Variants in LNPEP observed in about 807,000 individuals in gnomAD.
LNPEP encodes the protein leucyl and cystinyl aminopeptidase.
LNPEP carries 64 observed loss-of-function variants against 120.6 expected under a neutral mutation model. That is an observed-to-expected ratio of 0.53 (90% CI 0.43 to 0.65). LNPEP has a LOEUF of 0.65. Ranked by LOEUF, LNPEP falls within the 30% of genes least tolerant of loss-of-function variation. The pLI is 0.00. For synonymous variants in LNPEP, 435 were observed against 425.4 expected (o/e 1.02, Z -0.28); for missense variants, 1,057 against 1,200.0 (o/e 0.88, Z 1.76).
intron 13 of LNPEP, among the ~76,000 whole-genome samples, chr5:97,021,923 G>GTTTTTTTTTTTTTTTTTTTTTT (rs1165456605): frequency 5.2e-5 from 3 of 57,192 alleles, no homozygotes; most frequent in Admixed American, 2.2e-4. Flanking sequence ...TTTGTCTTTT[G>GTTTTTTTTTTTTTTTTTTTTTT]TTTTTTTTTT....
chr5:96,936,341 CG>C (rs1296765257), intron 1 of LNPEP, 167 bp downstream of exon 1: 4 of 88,298 alleles, frequency 4.5e-5, no homozygotes, highest in East Asian at 2.3e-4. Context: ...CAGGGAGGTT[CG>C]GGGGGCGGGC....
In LNPEP at chr5:97,003,525, T is replaced by A. The variant is rs1790705354; in HGVS notation, c.1764T>A (p.Asp588Glu). Reference sequence around the variant, plus strand: ...GCTATGCATCTATTCAAAGTGATGATCTGTGGGATAGTTTTAATGAGGTAA... The same window carrying A: ...GCTATGCATCTATTCAAAGTGATGAACTGTGGGATAGTTTTAATGAGGTAA... ...NHSYASIQSD[D>E]LWDSFNEVTN... Residue 588 changes from aspartate to glutamate, a missense_variant, in exon 9 of 18, where the codon GAT becomes GAA. Physicochemically the swap from Asp to Glu is conservative, Grantham distance 45. Transcript: ENST00000231368. 1.2e-6 allele frequency: 2 copies of A among 1,603,178 alleles called. No homozygotes were observed. The highest frequency in any genetic ancestry group is 2.2e-5 in the East Asian group (1 of 44,690).
intron 8 of LNPEP, among the ~76,000 whole-genome samples, chr5:97,000,663 C>T (rs1465717689): frequency 6.6e-6 from 1 of 152,180 alleles, no homozygotes; most frequent in African/African-American, 2.4e-5. Context: ...TTAAGTGCAT[C>T]CTGCATGATT....
Position 97,006,419 on chromosome 5 carries a change from C to A in LNPEP, c.1947-8C>A. 1 of 1,517,142 alleles carries A rather than the reference C, an allele frequency of 6.6e-7. No homozygotes were observed. The highest frequency in any genetic ancestry group is 9.0e-7 in the Non-Finnish European group (1 of 1,108,548). The allele number at this position is 1,517,142 out of a possible 1,614,324, so 94.0% of individuals were successfully genotyped here. On this transcript the variant is annotated splice_region_variant and splice_polypyrimidine_tract_variant and intron_variant, in intron 10 of 17. Coordinates refer to ENST00000231368, the MANE Select transcript of LNPEP (RefSeq NM_005575.3). ...TGTAACTAATTTTCCAATGTTTTCT[C>A]TTTACAGCTACCTGTGGCATATTCC...
chr5:96,989,292 T>TA (rs1391335976), intron 4 of LNPEP, among the ~76,000 whole-genome samples: 7 of 99,610 alleles, frequency 7.0e-5, no homozygotes, highest in African/African-American at 2.3e-4. Context: ...AATATATAAT[T>TA]TATATATAAT....
chr5:97,009,930 A>G (rs1392606859), intron 11 of LNPEP, among the ~76,000 whole-genome samples: 2 of 152,100 alleles, frequency 1.3e-5, no homozygotes, highest in African/African-American at 4.8e-5. Context: ...TTGATGCTTG[A>G]TGGTTGGTTA....
At chr5:97,002,094 G>A (rs1028123761) in intron 8 of LNPEP, among the ~76,000 whole-genome samples, 10 of 152,160 alleles carry the variant, frequency 6.6e-5, no homozygotes, top group East Asian at 5.8e-4. Context: ...AGTGGAGGTC[G>A]CACCACTGCA....
chr5:97,014,951 A>G lies in LNPEP; in HGVS notation c.2232A>G (p.Val744=), dbSNP rs774320745. ...NIFELAGLGK[V]PLKRAFDLIN... ...TTTTATCCTTTAGCCTAGGCAAGGT[A>G]CCTCTCAAGAGGGCCTTTGATTTGA... Residue 744 remains valine (V), a synonymous_variant, in exon 13 of 18, where the codon GTA becomes GTG. Coordinates refer to ENST00000231368, the MANE Select transcript of LNPEP (RefSeq NM_005575.3). The G allele has an allele frequency of 1.9e-6, 3 of 1,563,932 alleles. No homozygotes were observed. The highest frequency in any genetic ancestry group is 1.7e-6 in the Non-Finnish European group (2 of 1,157,146).
At chr5:96,988,433 G>T (rs1325117104) in intron 4 of LNPEP, among the ~76,000 whole-genome samples, 1 of 148,168 alleles carries the variant, frequency 6.7e-6, no homozygotes, top group Non-Finnish European at 1.5e-5. Flanking sequence ...CTGCCTCCCG[G>T]GTTCAAGCAA....
rs569629317 is a variant in LNPEP at position 97,014,704 on chromosome 5, G to C, written c.2220-235G>C. Reference sequence around the variant, plus strand: ...TAGTAGCAATTTACAGGAGACTTAGGAATAAAAAAAAATGAGCTATTGTTT... The same window carrying C: ...TAGTAGCAATTTACAGGAGACTTAGCAATAAAAAAAAATGAGCTATTGTTT... On this transcript the variant is annotated intron_variant, in intron 12 of 17. Coordinates refer to ENST00000231368, the MANE Select transcript of LNPEP (RefSeq NM_005575.3). Among the ~76,000 whole-genome samples, 14 of 151,882 alleles carry C rather than the reference G, an allele frequency of 9.2e-5. No individual in the cohort carries two copies. In the East Asian group the frequency reaches 2.3e-3, roughly 25 times the overall value.
rs750820430 is a variant in LNPEP at position 97,003,489 on chromosome 5, G to T, written c.1728G>T (p.Leu576=). 1 of 1,606,250 alleles carries T rather than the reference G, an allele frequency of 6.2e-7. No individual in the cohort carries two copies. Residue 576 remains leucine (L), a synonymous_variant, in exon 9 of 18, where the codon CTG becomes CTT. Transcript: ENST00000231368. Reference sequence around the variant, plus strand: ...TTCAACATGCTGTTGTCCTTTACCTGCATAATCACAGCTATGCATCTATTC... The same window carrying T: ...TTCAACATGCTGTTGTCCTTTACCTTCATAATCACAGCTATGCATCTATTC... The part of the protein sequence containing the change: ...DVFQHAVVLY[L]HNHSYASIQS...
At chr5:96,939,473 C>G (rs1789001601) in intron 1 of LNPEP, among the ~76,000 whole-genome samples, 1 of 152,106 alleles carries the variant, frequency 6.6e-6, no homozygotes, top group Non-Finnish European at 1.5e-5. Flanking sequence ...TCCCAAAGTA[C>G]TGGGATTACA....
At chr5:96,993,203 TAGAA>T in intron 5 of LNPEP, 68 bp downstream of exon 5, 1 of 1,197,364 alleles carries the variant, frequency 8.4e-7, no homozygotes, top group East Asian at 2.5e-5. Flanking sequence ...TGAATTTTTT[TAGAA>T]AGAGGTTCTG....
chr5:96,988,825 G>C (rs1229777925), intron 4 of LNPEP, among the ~76,000 whole-genome samples: 1 of 151,028 alleles, frequency 6.6e-6, no homozygotes. Context: ...TGTTGCTCAG[G>C]CCAGCTTAAA....
rs764209783 is a variant in LNPEP, at chr5:96,979,988, C to T, written c.860+10C>T. The T allele has an allele frequency of 1.9e-6, 3 of 1,566,482 alleles. No homozygotes were observed. The highest frequency in any genetic ancestry group is 2.6e-6 in the Non-Finnish European group (3 of 1,154,426). On this transcript the variant is annotated intron_variant, in intron 2 of 17. Coordinates refer to ENST00000231368, the MANE Select transcript of LNPEP (RefSeq NM_005575.3). ...AAAGTAATGAGAAAAAGTAGGTAGC[C>T]CTCTTAAATGATTCTGGTTTTACGC...
At chr5:96,945,893 C>CA (rs1259790613) in intron 1 of LNPEP, among the ~76,000 whole-genome samples, 1 of 152,196 alleles carries the variant, frequency 6.6e-6, no homozygotes, top group Non-Finnish European at 1.5e-5. Flanking sequence ...GAGGAGAACT[C>CA]AATCTTGAGA....
chr5:97,023,032 A>G (rs1791250385), intron 14 of LNPEP, among the ~76,000 whole-genome samples: 1 of 151,906 alleles, frequency 6.6e-6, no homozygotes, highest in South Asian at 2.1e-4. Context: ...ACATCTTGCA[A>G]AACTGAAACT....
At position 97,031,361 on chromosome 5, in the gene LNPEP, T is replaced by A. The variant is rs192695530; in HGVS notation, c.*2828T>A. 12 of 152,322 alleles carry A rather than the reference T, an allele frequency of 7.9e-5. No individual in the cohort carries two copies. Among genetic ancestry groups the A allele is most frequent in the African/African-American group, 2.9e-4 (12 of 41,568 alleles). The allele number at this position is 152,322 out of a possible 1,614,324, so 9.4% of individuals were successfully genotyped here. A position where few individuals can be genotyped will look rare whatever the true frequency, so the allele number is the denominator to read the frequency against. On this transcript the variant is annotated 3_prime_UTR_variant, in exon 18 of 18. Coordinates refer to ENST00000231368, the MANE Select transcript of LNPEP (RefSeq NM_005575.3). ...AGCTTGGGCCTTCCTCCATCTTGTT[T>A]TATTTAAGTCTCTTTAAATGAAATT...
intron 1 of LNPEP, among the ~76,000 whole-genome samples, chr5:96,954,625 T>TATATAC (rs1554066317): frequency 0.012 from 1,509 of 121,298 alleles, 313 homozygotes; most frequent in African/African-American, 0.044. Flanking sequence ...TCTCTATATA[T>TATATAC]ATATATACAT....
Sources: gnomAD v4.1 joint callset for allele counts (sites outside exome capture counted in the v4.1 genomes callset) on GRCh38, gnomAD v4.1.1 for gene constraint, MANE v1.5 for transcripts, NCBI Gene and HGNC (gene_info 2026-07-23, HGNC 2026-07-21) for gene names.